Variants in C2orf78 observed in about 807,000 individuals in gnomAD.
C2orf78 encodes uncharacterized protein C2orf78.
Under a neutral mutation model 21.4 loss-of-function variants are expected in C2orf78, and 12 were observed. The observed-to-expected ratio is 0.56, with a 90% confidence interval of 0.36 to 0.91. The LOEUF (loss-of-function observed/expected upper bound fraction) is 0.91. C2orf78 is among the 40% of genes least tolerant of loss of function. The probability of loss-of-function intolerance (pLI) is 0.01; values close to 1 mark genes in which losing one functional copy is unlikely to be tolerated. For missense variants in C2orf78, 1,042 were observed against 1,092.4 expected (o/e 0.95, Z 0.65); for synonymous variants, 396 against 413.9 (o/e 0.96, Z 0.52).
rs1480166839 is a variant in C2orf78, at chr2:73,816,331, C to T, written c.2108C>T (p.Thr703Ile). 18 of 1,613,802 alleles carry T rather than the reference C, an allele frequency of 1.1e-5. No homozygotes were observed. The Middle Eastern group carries it at 6.6e-4, about 59-fold the overall frequency. ...GATGGTAGTGCTGAAAAAGAGTGTA[C>T]ATCTCCATCCCACTCTGAGTTGCCA... Residue 703 changes from threonine to isoleucine, a missense_variant, in exon 3 of 3, where the codon ACA becomes ATA. Transcript: ENST00000409561.
At chr2:73,814,290 T>C (rs1673149739) in intron 2 of C2orf78, 64 bp downstream of exon 2, 2 of 1,488,624 alleles carry the variant, frequency 1.3e-6, no homozygotes, top group Non-Finnish European at 1.8e-6. Context: ...GTCAAATCTG[T>C]AGCGAGTGGT....
At chr2:73,813,901 G>A (rs867469077) in exon 2 of C2orf78, 1 of 1,613,986 alleles carries the variant, frequency 6.2e-7, no homozygotes, top group Non-Finnish European at 8.5e-7. Context: ...CCAATACTAT[G>A]GTCCCTCTGT....
intron 1 of C2orf78, among the ~76,000 whole-genome samples, chr2:73,811,791 A>G (rs78516160): frequency 0.034 from 5,190 of 152,250 alleles, 301 homozygotes; most frequent in African/African-American, 0.12. Flanking sequence ...GATAGATATT[A>G]AAGTTCTCAT....
intron 1 of C2orf78, among the ~76,000 whole-genome samples, chr2:73,810,915 A>G (rs985089107): frequency 4.2e-5 from 6 of 141,528 alleles, no homozygotes; most frequent in Admixed American, 1.5e-4. Context: ...TATATATAAT[A>G]TATGTATATT....
At chr2:73,816,776 C>G (rs1322786938) in exon 3 of C2orf78, 8 of 1,613,908 alleles carry the variant, frequency 5.0e-6, no homozygotes, top group African/African-American at 2.7e-5. Context: ...AAGACTTCAG[C>G]CTCCAACCCC....
intron 1 of C2orf78, among the ~76,000 whole-genome samples, chr2:73,810,504 GC>G (rs1558540917): frequency 6.8e-6 from 1 of 147,520 alleles, no homozygotes; most frequent in African/African-American, 2.5e-5. Context: ...TCCAGCATGG[GC>G]AACAAGAGCG....
At chr2:73,809,485 G>A (rs1673027281) in intron 1 of C2orf78, among the ~76,000 whole-genome samples, 1 of 151,894 alleles carries the variant, frequency 6.6e-6, no homozygotes, top group Non-Finnish European at 1.5e-5. Flanking sequence ...CTGATGTGTA[G>A]TGATGTTTTT....
In C2orf78 at chr2:73,810,969, C is replaced by CATATATATATATATATATATAT. The variant is rs35395110; in HGVS notation, c.98-2490_98-2489insATATATATATATATATATATAT. ...TTATATATAATATACATGTATATTTCATATATATATATATATATGTTTTAG... is the reference window on the plus strand; with the variant it reads ...TTATATATAATATACATGTATATTTCATATATATATATATATATATATATATATATATATATATATGTTTTAG... On this transcript the variant is annotated intron_variant, in intron 1 of 2. Transcript: ENST00000409561. Among the ~76,000 whole-genome samples the CATATATATATATATATATATAT allele has an allele frequency of 1.7e-3, 226 of 136,078 alleles. 1 individual carries two copies. Among genetic ancestry groups the CATATATATATATATATATATAT allele is most frequent in the African/African-American group, 5.9e-3 (216 of 36,672 alleles). The allele number at this position is 136,078 out of a possible 152,430, so 89.3% of individuals were successfully genotyped here. A position where few individuals can be genotyped will look rare whatever the true frequency, so the allele number is the denominator to read the frequency against.
intron 2 of C2orf78, 139 bp from the exon 3 acceptor site, chr2:73,814,932 C>A: frequency 1.4e-6 from 1 of 714,008 alleles, no homozygotes; most frequent in Non-Finnish European, 2.3e-6. Context: ...TCTCCTAATA[C>A]AGGGTCTTGC....
At chr2:73,811,549 G>C (rs1333437590) in intron 1 of C2orf78, among the ~76,000 whole-genome samples, 1 of 152,150 alleles carries the variant, frequency 6.6e-6, no homozygotes. Flanking sequence ...TCCAAAAACA[G>C]AGTACCTACT....
Position 73,815,803 on chromosome 2 carries a change from TAGAG to T in C2orf78, c.1586_1589del (p.Arg529LysfsTer15). ...CAGCCAAAGAACCCAGAGTGCCTAT[TAGAG>T]AGAGAAGTGGTTGTTGGCAGTGCTA... On this transcript the variant is annotated frameshift_variant, in exon 3 of 3. Transcript: ENST00000409561. LOFTEE classifies it low-confidence loss of function (END_TRUNC). 6.2e-7 allele frequency: 1 copy of T among 1,613,740 alleles called. No homozygotes were observed. The highest frequency in any genetic ancestry group is 8.5e-7 in the Non-Finnish European group (1 of 1,179,788).
chr2:73,813,476 G>T lies in C2orf78; in HGVS notation c.98-1G>T. ...TTTCATCTCTCTCTTGTTTCCTACAGAATATTTCCAAAATACGTCTTTACC... is the reference window on the plus strand; with the variant it reads ...TTTCATCTCTCTCTTGTTTCCTACATAATATTTCCAAAATACGTCTTTACC... On this transcript the variant is annotated splice_acceptor_variant, in intron 1 of 2. Coordinates refer to ENST00000409561, the Ensembl canonical transcript of C2orf78. LOFTEE classifies it high-confidence loss of function. 1 of 1,592,100 alleles carries T rather than the reference G, an allele frequency of 6.3e-7. No individual in the cohort carries two copies. Among genetic ancestry groups the T allele is most frequent in the South Asian group, 1.1e-5 (1 of 87,570 alleles).
chr2:73,808,192 T>G (rs1487093468), intron 1 of C2orf78, among the ~76,000 whole-genome samples: 1 of 150,936 alleles, frequency 6.6e-6, no homozygotes, highest in Non-Finnish European at 1.5e-5. Flanking sequence ...AGGTGGTGCT[T>G]GCAGTGAGCC....
chr2:73,809,239 CAG>C (rs1673022388), intron 1 of C2orf78, among the ~76,000 whole-genome samples: 1 of 151,942 alleles, frequency 6.6e-6, no homozygotes, highest in Non-Finnish European at 1.5e-5. Context: ...TCAACAGAAA[CAG>C]AGAAAAAACC....
chr2:73,815,780 G>A (rs540212720), exon 3 of C2orf78: 4 of 1,613,762 alleles, frequency 2.5e-6, no homozygotes, highest in Non-Finnish European at 1.7e-6. Flanking sequence ...CCAAAATCCA[G>A]CCAAAGAACC....
chr2:73,815,258 C>T (rs1673167447), exon 3 of C2orf78: 2 of 1,613,814 alleles, frequency 1.2e-6, no homozygotes, highest in Non-Finnish European at 1.7e-6. Context: ...CTACTAATCT[C>T]TTGACACTGT....
chr2:73,815,884 C>A (rs374322868), exon 3 of C2orf78: 8 of 1,613,572 alleles, frequency 5.0e-6, no homozygotes, highest in Non-Finnish European at 6.8e-6. Context: ...AGCAACAAAC[C>A]TCACAAGGCT....
intron 1 of C2orf78, among the ~76,000 whole-genome samples, chr2:73,810,628 TA>T (rs1673064558): frequency 1.6e-5 from 2 of 125,128 alleles, no homozygotes; most frequent in Non-Finnish European, 3.5e-5. Flanking sequence ...ATATACATAA[TA>T]TATATATGTA....
chr2:73,784,585 C>T (rs1263627678), intron 1 of C2orf78, among the ~76,000 whole-genome samples, 179 bp downstream of exon 1: 1 of 151,358 alleles, frequency 6.6e-6, no homozygotes, highest in Non-Finnish European at 1.5e-5. Context: ...CTTTAGATAA[C>T]TTTTATTCTC....
Sources: gnomAD v4.1 joint callset for allele counts (sites outside exome capture counted in the v4.1 genomes callset) on GRCh38, gnomAD v4.1.1 for gene constraint, MANE v1.5 for transcripts, NCBI Gene and HGNC (gene_info 2026-07-23, HGNC 2026-07-21) for gene names.